Variants in PACC1 observed in about 807,000 individuals in gnomAD.
PACC1 encodes the protein proton-activated chloride channel.
In PACC1, 34 loss-of-function variants were observed where a neutral mutation model predicts 39.7. The ratio of observed to expected loss-of-function variants is 0.86; its 90% CI spans 0.65 to 1.14. The LOEUF is 1.14. Among genes scored for constraint, PACC1 ranks in the 50% most tolerant of loss-of-function variants. PACC1 has a pLI of 0.00. For synonymous variants in PACC1, 127 were observed against 160.6 expected, an observed-to-expected ratio of 0.79 and a Z score of 1.58; for missense variants, 379 against 436.4, an observed-to-expected ratio of 0.87 and a Z score of 1.17.
At chr1:212,400,262 T>A (rs1455475324) in intron 2 of PACC1, among the ~76,000 whole-genome samples, 1 of 152,184 alleles carries the variant, frequency 6.6e-6, no homozygotes, top group African/African-American at 2.4e-5. Context: ...CAGATAAACA[T>A]GATTTGAAAT....
At chr1:212,398,351 T>C (rs142066412) in intron 2 of PACC1, among the ~76,000 whole-genome samples, 1 of 152,384 alleles carries the variant, frequency 6.6e-6, no homozygotes, top group East Asian at 1.9e-4. Flanking sequence ...AGTCTTGCCA[T>C]GCTAACTCAA....
chr1:212,377,978 ATCT>A (rs915758962), intron 5 of PACC1, among the ~76,000 whole-genome samples: 4 of 152,130 alleles, frequency 2.6e-5, no homozygotes, highest in African/African-American at 9.7e-5. Flanking sequence ...AGTGGGAGAA[ATCT>A]TCCTCCCTCC....
rs148505592 is a variant in PACC1 at position 212,385,299 on chromosome 1, G to A, written c.470C>T (p.Thr157Met). Residue 157 changes from threonine (T) to methionine (M), a missense_variant, in exon 4 of 8, where the codon ACG (threonine) becomes ATG (methionine). Thr to Met is a moderately conservative substitution (Grantham distance 81). Transcript: ENST00000261455. ...MNCTTQRINY[T>M]DPFSNQTVKS... is the part of the protein sequence containing the mutation. ...CACAGTCTGATTGGAGAAGGGGTCC[G>A]TGTAGTTGATCCTCTGGGTGGTGCA... 2.7e-5 allele frequency: 43 copies of A among 1,613,950 alleles called. No individual in the cohort carries two copies. Among genetic ancestry groups the A allele is most frequent in the East Asian group, 8.9e-5 (4 of 44,886 alleles).
intron 2 of PACC1, among the ~76,000 whole-genome samples, chr1:212,393,907 T>C (rs973440007): frequency 7.2e-5 from 11 of 152,080 alleles, no homozygotes; most frequent in Non-Finnish European, 1.3e-4. Context: ...AATCTCTGAA[T>C]AGACCAATAA....
chr1:212,385,414 A>C lies in PACC1; in HGVS notation c.355T>G (p.Tyr119Asp). Residue 119 changes from tyrosine (Y) to aspartate (D), a missense_variant, in exon 4 of 8, where the codon TAC becomes GAC. By Grantham distance (160) the Tyr-to-Asp change is radical. Coordinates refer to ENST00000261455, the MANE Select transcript of PACC1 (RefSeq NM_018252.3). Reference protein sequence around the residue: ...DRYDAPGIALYPGQAQLLSCK... With the variant: ...DRYDAPGIALDPGQAQLLSCK... Reference sequence around the variant, plus strand: ...CTGAGCAACTGGGCCTGACCGGGGTACAAGGCAATACCTGGGGGCACAAAC... The same window carrying C: ...CTGAGCAACTGGGCCTGACCGGGGTCCAAGGCAATACCTGGGGGCACAAAC... 1 of 1,614,082 alleles carries C rather than the reference A, an allele frequency of 6.2e-7. No individual in the cohort carries two copies. Among genetic ancestry groups the C allele is most frequent in the Non-Finnish European group, 8.5e-7 (1 of 1,179,962 alleles).
At chr1:212,374,804 G>A (rs1385494379) in intron 7 of PACC1, among the ~76,000 whole-genome samples, 2 of 152,134 alleles carry the variant, frequency 1.3e-5, no homozygotes, top group African/African-American at 4.8e-5. Context: ...ACTTGCAACT[G>A]CAGTAACCTG....
chr1:212,377,687 T>G lies in PACC1; in HGVS notation c.658A>C (p.Met220Leu), dbSNP rs771113840. The change falls in exon 6 of 8, where the codon ATG becomes CTG. Residue 220 changes from methionine to leucine, a missense_variant. Transcript: ENST00000261455. ...GAATAGGCACTCTCACAGGCCTGCA[T>G]GAAGCCTACCCTGTTTGGGCTTGGA... is the stretch of plus-strand genomic sequence containing the variant. ...FLQSPNRVGF[M>L]QACESAYSSW... The G allele has an allele frequency of 5.0e-6, 8 of 1,614,046 alleles. No homozygotes were observed. The African/African-American group carries it at 1.1e-4, about 22-fold the overall frequency.
At chr1:212,376,769 T>C in intron 6 of PACC1, 1 of 152,212 alleles carries the variant, frequency 6.6e-6, no homozygotes, top group East Asian at 1.9e-4. Flanking sequence ...CTAGGGCTCA[T>C]GACAGGGCCC....
chr1:212,373,794 C>CAAAAT (rs1225756655), intron 7 of PACC1, among the ~76,000 whole-genome samples: 1 of 151,964 alleles, frequency 6.6e-6, no homozygotes, highest in African/African-American at 2.4e-5. Flanking sequence ...AAACCAAATC[C>CAAAAT]AAAATAAGGT....
chr1:212,381,782 C>CACACACACACACACAA (rs1660905134), intron 4 of PACC1, among the ~76,000 whole-genome samples: 1 of 150,816 alleles, frequency 6.6e-6, no homozygotes, highest in Admixed American at 6.6e-5. Flanking sequence ...CACACACACA[C>CACACACACACACACAA]ACACACACAC....
rs754502878 is a variant in PACC1, at chr1:212,365,395, C to G, written c.892-19G>C. Reference sequence around the variant, plus strand: ...TGACTATCTGTGAAGCAAACAGAAACAAACAGGATTACTGGTTTGCTTCAG... The same window carrying G: ...TGACTATCTGTGAAGCAAACAGAAAGAAACAGGATTACTGGTTTGCTTCAG... On this transcript the variant is annotated intron_variant, in intron 7 of 7. Transcript: ENST00000261455. The G allele has an allele frequency of 1.4e-5, 21 of 1,484,176 alleles. No individual in the cohort carries two copies. The South Asian group carries it at 2.5e-4, about 17-fold the overall frequency. The allele number at this position is 1,484,176 out of a possible 1,614,324, so 91.9% of individuals were successfully genotyped here. A position where few individuals can be genotyped will look rare whatever the true frequency, so the allele number is the denominator to read the frequency against.
intron 2 of PACC1, among the ~76,000 whole-genome samples, chr1:212,409,503 C>G (rs573199917): frequency 6.6e-6 from 1 of 151,806 alleles, no homozygotes; most frequent in East Asian, 1.9e-4. Context: ...TGGCTGAGGG[C>G]CAGAGAAAAA....
In PACC1 at chr1:212,404,498, T is replaced by G. The variant is rs888643238; in HGVS notation, c.133+5927A>C. Among the ~76,000 whole-genome samples, 3 of 151,734 alleles carry G rather than the reference T, an allele frequency of 2.0e-5. No homozygotes were observed. In the Admixed American group the frequency reaches 2.0e-4, roughly 10 times the overall value. On this transcript the variant is annotated intron_variant, in intron 2 of 7. Transcript: ENST00000261455. Reference sequence around the variant, plus strand: ...ATAATCTGACCAAGTCTATCTTTCCTACCTCATCTCCCTCTACTTTGCTCA... The same window carrying G: ...ATAATCTGACCAAGTCTATCTTTCCGACCTCATCTCCCTCTACTTTGCTCA...
At chr1:212,399,390 C>G (rs1480211553) in intron 2 of PACC1, among the ~76,000 whole-genome samples, 1 of 152,112 alleles carries the variant, frequency 6.6e-6, no homozygotes, top group Non-Finnish European at 1.5e-5. Flanking sequence ...AGCATTTTTA[C>G]AATTACAGTC....
chr1:212,380,384 G>A (rs1660834097), intron 4 of PACC1, among the ~76,000 whole-genome samples: 1 of 152,130 alleles, frequency 6.6e-6, no homozygotes, highest in Non-Finnish European at 1.5e-5. Context: ...TGTTTCCAAT[G>A]TCATTTGTCC....
At chr1:212,387,889 T>C (rs1244658153) in intron 2 of PACC1, among the ~76,000 whole-genome samples, 3 of 151,814 alleles carry the variant, frequency 2.0e-5, no homozygotes, top group Non-Finnish European at 2.9e-5. Context: ...CCCCTGTCTC[T>C]ACTAAAAATA....
intron 3 of PACC1, among the ~76,000 whole-genome samples, chr1:212,385,714 C>G (rs1448310122): frequency 3.3e-5 from 5 of 152,198 alleles, no homozygotes; most frequent in Non-Finnish European, 7.3e-5. Flanking sequence ...GCTCCACACC[C>G]TCCGAAGGAG....
At chr1:212,385,499 T>C in intron 3 of PACC1, 74 bp from the exon 4 acceptor site, 2 of 1,511,206 alleles carry the variant, frequency 1.3e-6, no homozygotes, top group Non-Finnish European at 1.8e-6. Context: ...ATCTCACACC[T>C]ACCAACAACC....
chr1:212,414,020 C>T, intron 1 of PACC1: 2 of 1,535,802 alleles, frequency 1.3e-6, no homozygotes, highest in Non-Finnish European at 1.7e-6. Flanking sequence ...AGCAGTTTCA[C>T]TAATACAGCT....
Sources: gnomAD v4.1 joint callset for allele counts (sites outside exome capture counted in the v4.1 genomes callset) on GRCh38, gnomAD v4.1.1 for gene constraint, MANE v1.5 for transcripts, NCBI Gene and HGNC (gene_info 2026-07-23, HGNC 2026-07-21) for gene names.